KCNAB1: variants seen among roughly 807,000 people sequenced by gnomAD.
KCNAB1 encodes potassium voltage-gated channel subfamily A regulatory beta subunit 1.
A neutral mutation model predicts 64.6 loss-of-function variants in KCNAB1; 35 were observed. The ratio of observed to expected loss-of-function variants is 0.54; its 90% CI spans 0.41 to 0.72. KCNAB1 has a LOEUF of 0.72. Among genes scored for constraint, KCNAB1 ranks in the 30% least tolerant of loss-of-function variants. The pLI is 0.00. For synonymous variants in KCNAB1, 177 were observed against 183.8 expected (o/e 0.96, Z 0.30); for missense variants, 401 against 512.9 (o/e 0.78, Z 2.11).
chr3:156,188,171 C>T (rs1713321696), intron 1 of KCNAB1, among the ~76,000 whole-genome samples: 1 of 151,448 alleles, frequency 6.6e-6, no homozygotes, highest in Non-Finnish European at 1.5e-5. Flanking sequence ...TTCCCAGCTT[C>T]CCTTGGTAAG....
intron 1 of KCNAB1, among the ~76,000 whole-genome samples, chr3:156,243,680 A>C (rs766995709): frequency 6.6e-6 from 1 of 152,234 alleles, no homozygotes; most frequent in Non-Finnish European, 1.5e-5. Context: ...TTATCACCTT[A>C]GCACTACTAC....
At chr3:156,160,828 A>T (rs997616781) in intron 1 of KCNAB1, among the ~76,000 whole-genome samples, 1 of 152,242 alleles carries the variant, frequency 6.6e-6, no homozygotes, top group African/African-American at 2.4e-5. Flanking sequence ...TCACACGTAC[A>T]TTAAGAGGTT....
At chr3:156,130,862 G>A (rs553390503) in intron 1 of KCNAB1, among the ~76,000 whole-genome samples, 13 of 152,224 alleles carry the variant, frequency 8.5e-5, no homozygotes, top group Non-Finnish European at 1.5e-4. Flanking sequence ...AGTCACTTAG[G>A]TGGATAGCAA....
intron 12 of KCNAB1, among the ~76,000 whole-genome samples, chr3:156,526,369 A>G (rs1322914053): frequency 6.6e-6 from 1 of 152,246 alleles, no homozygotes; most frequent in Non-Finnish European, 1.5e-5. Flanking sequence ...TTAAAACATT[A>G]AAGTGAAACA....
At chr3:156,338,036 T>C (rs189585372) in intron 1 of KCNAB1, among the ~76,000 whole-genome samples, 1 of 152,142 alleles carries the variant, frequency 6.6e-6, no homozygotes, top group Non-Finnish European at 1.5e-5. Context: ...CAAGTAACAA[T>C]GTTGCAAGCC....
chr3:156,224,767 A>G (rs1412726861), intron 1 of KCNAB1, among the ~76,000 whole-genome samples: 1 of 152,240 alleles, frequency 6.6e-6, no homozygotes, highest in Non-Finnish European at 1.5e-5. Flanking sequence ...TATAAATACA[A>G]AACATTATTC....
At chr3:156,344,059 A>G (rs779625149) in intron 1 of KCNAB1, among the ~76,000 whole-genome samples, 2 of 152,140 alleles carry the variant, frequency 1.3e-5, no homozygotes, top group Non-Finnish European at 2.9e-5. Context: ...AGGCTCTCTT[A>G]GCAAACCCCT....
intron 2 of KCNAB1, among the ~76,000 whole-genome samples, chr3:156,440,825 G>A (rs1010005593): frequency 3.9e-5 from 6 of 152,138 alleles, no homozygotes; most frequent in African/African-American, 1.4e-4. Flanking sequence ...ATCCTTATAT[G>A]TAAATCTGTA....
At chr3:156,273,731 A>G (rs191993170) in intron 1 of KCNAB1, 22 of 446,172 alleles carry the variant, frequency 4.9e-5, no homozygotes, top group Admixed American at 4.0e-4. Context: ...TTTTTTGTGT[A>G]GATAGTTGTC....
In KCNAB1 at chr3:156,292,203, T is replaced by C. The variant is rs961812308; in HGVS notation, c.276-129413T>C. On this transcript the variant is annotated intron_variant, in intron 1 of 13. Transcript: ENST00000490337. ...TGCAGTGGAGACAGTCCATCGGTTT[T>C]GAAAAGTGATTTACTCATCAGTGGG... 3 of 1,521,560 alleles carry C rather than the reference T, an allele frequency of 2.0e-6. No individual in the cohort carries two copies. The Admixed American group carries it at 5.4e-5, about 27-fold the overall frequency. The allele number at this position is 1,521,560 out of a possible 1,614,324, so 94.3% of individuals were successfully genotyped here.
intron 1 of KCNAB1, among the ~76,000 whole-genome samples, chr3:156,259,940 T>C (rs373986736): frequency 1.3e-5 from 2 of 152,320 alleles, no homozygotes; most frequent in East Asian, 3.9e-4. Flanking sequence ...CCCAGTGTTA[T>C]GCCCAACGGG....
At chr3:156,535,702 C>T (rs1719006339) in intron 13 of KCNAB1, among the ~76,000 whole-genome samples, 1 of 152,140 alleles carries the variant, frequency 6.6e-6, no homozygotes, top group Admixed American at 6.5e-5. Flanking sequence ...GTCTTGAAAC[C>T]ACCATCTTCC....
intron 1 of KCNAB1, among the ~76,000 whole-genome samples, chr3:156,327,710 G>A (rs1302411777): frequency 6.6e-6 from 1 of 152,126 alleles, no homozygotes; most frequent in Non-Finnish European, 1.5e-5. Context: ...CACAGAGTTG[G>A]CACAGAGTAG....
intron 1 of KCNAB1, among the ~76,000 whole-genome samples, chr3:156,231,641 T>G (rs1173592406): frequency 6.6e-6 from 1 of 151,592 alleles, no homozygotes; most frequent in Non-Finnish European, 1.5e-5. Flanking sequence ...CAACCCGCTC[T>G]CTCTCTGAAG....
intron 1 of KCNAB1, among the ~76,000 whole-genome samples, chr3:156,169,250 A>G (rs1021814150): frequency 2.6e-5 from 4 of 152,194 alleles, no homozygotes; most frequent in African/African-American, 9.6e-5. Context: ...TTTAGTCTCA[A>G]TATCTTTATC....
At chr3:156,409,768 G>A (rs1479882358) in intron 1 of KCNAB1, among the ~76,000 whole-genome samples, 2 of 152,090 alleles carry the variant, frequency 1.3e-5, no homozygotes, top group African/African-American at 4.8e-5. Context: ...GATATATACA[G>A]TACCTTCACT....
chr3:156,355,674 A>G (rs1725184486), intron 1 of KCNAB1, among the ~76,000 whole-genome samples: 1 of 152,240 alleles, frequency 6.6e-6, no homozygotes, highest in Non-Finnish European at 1.5e-5. Flanking sequence ...CAGTTTGGAA[A>G]TATTCCATAT....
chr3:156,184,571 T>C (rs1218981767), intron 1 of KCNAB1, among the ~76,000 whole-genome samples: 1 of 151,864 alleles, frequency 6.6e-6, no homozygotes, highest in Non-Finnish European at 1.5e-5. Flanking sequence ...ATGGAAAGAG[T>C]GCCTGGAACA....
At chr3:156,305,269 G>C (rs1172732474) in intron 1 of KCNAB1, among the ~76,000 whole-genome samples, 1 of 152,098 alleles carries the variant, frequency 6.6e-6, no homozygotes, top group Non-Finnish European at 1.5e-5. Flanking sequence ...CTTTGCAATA[G>C]GTCTTGTTAT....
Sources: allele counts gnomAD v4.1 joint callset (sites outside exome capture counted in the v4.1 genomes callset), GRCh38; gene constraint gnomAD v4.1.1; transcripts MANE v1.5; gene names NCBI Gene and HGNC (gene_info 2026-07-23, HGNC 2026-07-21).